The following EXOC6 variants were observed in gnomAD, a reference collection of about 807,000 sequenced individuals.
The protein encoded by EXOC6 is SEC15-like 1.
EXOC6 carries 60 observed loss-of-function variants against 112.5 expected under a neutral mutation model. The ratio of observed to expected loss-of-function variants is 0.53; its 90% confidence interval spans 0.43 to 0.66. EXOC6 has a LOEUF of 0.66. Ranked by LOEUF, EXOC6 falls within the 30% of genes least tolerant of loss-of-function variation. EXOC6 has a pLI of 0.00. For synonymous variants in EXOC6, 295 were observed against 308.0 expected (o/e 0.96, Z 0.44); for missense variants, 855 against 957.1 (o/e 0.89, Z 1.41).
chr10:92,940,788 A>C lies in EXOC6; in HGVS notation c.1274A>C (p.Asn425Thr). 5 of 1,612,404 alleles carry C rather than the reference A, an allele frequency of 3.1e-6. No individual in the cohort carries two copies. The highest frequency in any genetic ancestry group is 4.2e-6 in the Non-Finnish European group (5 of 1,179,398). Residue 425 changes from asparagine to threonine, a missense_variant, in exon 13 of 22, where the codon AAT (asparagine) becomes ACT (threonine). Around this residue, in one of 2 missense-constraint regions of EXOC6, gnomAD observed 450 missense variants for 563.5 expected, o/e 0.80. Transcript: ENST00000260762. ...DLLFEIRDQY[N>T]ETLLKKWAGV... ...TTATTTGAAATAAGAGACCAATACA[A>C]TGAAACACTGCTTAAGAAATGGGCT...
chr10:93,014,212 C>G lies in EXOC6; in HGVS notation c.2114C>G (p.Pro705Arg). The G allele has an allele frequency of 6.2e-7, 1 of 1,613,326 alleles. No individual in the cohort carries two copies. Residue 705 changes from proline (P) to arginine (R), a missense_variant, in exon 20 of 22, where the codon CCT becomes CGT. Physicochemically the swap from Pro to Arg is moderately radical, Grantham distance 103. Around this residue, in one of 2 missense-constraint regions of EXOC6, gnomAD observed 450 missense variants for 563.5 expected, o/e 0.80. Coordinates refer to ENST00000260762, the MANE Select transcript of EXOC6 (RefSeq NM_019053.6). Reference sequence around the variant, plus strand: ...TTAATAGTGTTTGCCAGCTCTGAGCCTGTGCCAGGATTCCAGGGGGATACC... The same window carrying G: ...TTAATAGTGTTTGCCAGCTCTGAGCGTGTGCCAGGATTCCAGGGGGATACC... ...IQCELFASSE[P>R]VPGFQGDTLQ...
chr10:92,833,885 T>A (rs1486372695), upstream of EXOC6, among the ~76,000 whole-genome samples: 3 of 151,916 alleles, frequency 2.0e-5, no homozygotes, highest in African/African-American at 7.3e-5. Flanking sequence ...TTTCCTTTGC[T>A]GTTTTGGGCC....
intron 20 of EXOC6, among the ~76,000 whole-genome samples, chr10:93,048,770 A>AAG (rs1768044686): frequency 6.6e-6 from 1 of 151,604 alleles, no homozygotes; most frequent in African/African-American, 2.4e-5. Flanking sequence ...AAAAAAAAAA[A>AAG]AAGAATTTAT....
At chr10:92,911,904 TC>T (rs1554892545) in intron 6 of EXOC6, among the ~76,000 whole-genome samples, 2 of 11,608 alleles carry the variant, frequency 1.7e-4, no homozygotes, top group Non-Finnish European at 2.5e-4. Context: ...TGTGGGTTTC[TC>T]TCTCTCTCTC....
intron 1 of EXOC6, among the ~76,000 whole-genome samples, chr10:92,863,600 A>G (rs1052182728): frequency 6.6e-6 from 1 of 152,108 alleles, no homozygotes; most frequent in African/African-American, 2.4e-5. Context: ...CAACATGGAG[A>G]GATCCCATCT....
intron 20 of EXOC6, among the ~76,000 whole-genome samples, chr10:93,027,106 T>C (rs1050766137): frequency 9.2e-5 from 14 of 152,226 alleles, no homozygotes; most frequent in East Asian, 5.8e-4. Context: ...ATTGCTGATA[T>C]GGAGAAAGTC....
chr10:92,869,690 C>T (rs1848344655), intron 1 of EXOC6, among the ~76,000 whole-genome samples: 1 of 152,088 alleles, frequency 6.6e-6, no homozygotes, highest in African/African-American at 2.4e-5. Context: ...AATTTTTAAA[C>T]TGTTTATTAA....
At chr10:92,866,783 T>C (rs1017516283) in intron 1 of EXOC6, among the ~76,000 whole-genome samples, 8 of 152,168 alleles carry the variant, frequency 5.3e-5, no homozygotes, top group African/African-American at 1.9e-4. Flanking sequence ...GCCAAAATTG[T>C]ATCTTATTTA....
chr10:92,972,757 C>A (rs1235133434), intron 17 of EXOC6, among the ~76,000 whole-genome samples: 3 of 152,176 alleles, frequency 2.0e-5, no homozygotes, highest in Non-Finnish European at 4.4e-5. Flanking sequence ...TGGCTAGTCA[C>A]ATAAAACTGC....
At chr10:92,861,371 C>T (rs1210802117) in intron 1 of EXOC6, among the ~76,000 whole-genome samples, 2 of 152,144 alleles carry the variant, frequency 1.3e-5, no homozygotes, top group Admixed American at 1.3e-4. Flanking sequence ...AGTGTGGAGC[C>T]TCTCTCGTAT....
chr10:93,056,395 A>G (rs1288281000), intron 20 of EXOC6, among the ~76,000 whole-genome samples: 1 of 152,224 alleles, frequency 6.6e-6, no homozygotes, highest in Non-Finnish European at 1.5e-5. Context: ...ATCACCAGAG[A>G]GAATCTAGCA....
At chr10:92,865,985 G>T (rs1041582443) in intron 1 of EXOC6, among the ~76,000 whole-genome samples, 3 of 152,122 alleles carry the variant, frequency 2.0e-5, no homozygotes, top group African/African-American at 7.2e-5. Context: ...AGGCTGAGGA[G>T]GAGATGGGAG....
intron 1 of EXOC6, among the ~76,000 whole-genome samples, chr10:92,870,479 T>C (rs1335653039): frequency 6.6e-6 from 1 of 152,164 alleles, no homozygotes; most frequent in Non-Finnish European, 1.5e-5. Flanking sequence ...TAAACCCCAT[T>C]TGGTCATGAC....
At chr10:92,927,801 GGCGAGTC>G (rs1469899419) in intron 8 of EXOC6, among the ~76,000 whole-genome samples, 1 of 152,174 alleles carries the variant, frequency 6.6e-6, no homozygotes, top group African/African-American at 2.4e-5. Flanking sequence ...TGATATCTCT[GGCGAGTC>G]CTGAAGGATG....
intron 2 of EXOC6, among the ~76,000 whole-genome samples, chr10:92,893,845 T>C (rs916079865): frequency 6.6e-6 from 1 of 152,214 alleles, no homozygotes; most frequent in African/African-American, 2.4e-5. Flanking sequence ...ATTTATAAAA[T>C]GTTATCCTCT....
At chr10:92,995,120 C>T (rs1051707720) in intron 18 of EXOC6, among the ~76,000 whole-genome samples, 2 of 151,388 alleles carry the variant, frequency 1.3e-5, no homozygotes, top group African/African-American at 4.9e-5. Flanking sequence ...AACAATAAGC[C>T]TGGATTTAGT....
Position 92,955,725 on chromosome 10 carries a change from A to AG in EXOC6, c.1773+11_1773+12insG, listed in dbSNP as rs1187271949. ...CTTTCTACTTTCAAGGTATGTAAAA[A>AG]TTTGACCAAAAGTTTTCATTTCAGT... On this transcript the variant is annotated intron_variant, in intron 17 of 21. Coordinates refer to ENST00000260762, the MANE Select transcript of EXOC6 (RefSeq NM_019053.6). 6.3e-6 allele frequency: 10 copies of AG among 1,599,766 alleles called. No homozygotes were observed. The highest frequency in any genetic ancestry group is 7.7e-6 in the Non-Finnish European group (9 of 1,175,524).
At chr10:92,928,774 G>T (rs1168088452) in intron 9 of EXOC6, among the ~76,000 whole-genome samples, 2 of 151,840 alleles carry the variant, frequency 1.3e-5, no homozygotes, top group Non-Finnish European at 2.9e-5. Flanking sequence ...ATGCTAGATA[G>T]ACATTTAAAA....
At chr10:92,922,850 G>T (rs945267358) in intron 8 of EXOC6, among the ~76,000 whole-genome samples, 1 of 152,128 alleles carries the variant, frequency 6.6e-6, no homozygotes, top group East Asian at 1.9e-4. Context: ...CAAATATAGT[G>T]TGCGAATTGC....
Sources: allele counts gnomAD v4.1 joint callset (sites outside exome capture counted in the v4.1 genomes callset), GRCh38; gene constraint gnomAD v4.1.1; regional missense constraint gnomAD v4.1.1; transcripts MANE v1.5; gene names NCBI Gene and HGNC (gene_info 2026-07-23, HGNC 2026-07-21).